Variants in PRELID2 observed in about 807,000 individuals in gnomAD.
The protein encoded by PRELID2 is PRELI domain containing 2, also known as PRELI domain-containing protein 2.
Under a neutral mutation model 28.4 loss-of-function variants are expected in PRELID2, and 25 were observed. That is an observed-to-expected ratio of 0.88 (90% CI 0.64 to 1.23). The LOEUF (loss-of-function observed/expected upper bound fraction) is 1.23, where lower values mean the gene tolerates loss of function less well. Ranked by LOEUF, PRELID2 falls within the 50% of genes most tolerant of loss-of-function variation. The pLI, the probability that PRELID2 is intolerant of heterozygous loss-of-function variation, is 0.00. For synonymous variants in PRELID2, 76 were observed against 71.6 expected (o/e 1.06, Z -0.31); for missense variants, 201 against 214.4 (o/e 0.94, Z 0.39).
chr5:145,275,238 A>G, the PRELID2 span, among the ~76,000 whole-genome samples: 2 of 152,274 alleles, frequency 1.3e-5, no homozygotes, highest in East Asian at 3.9e-4. Flanking sequence ...AAGGCACTGC[A>G]GATAAAGGAA....
chr5:145,731,798 ACTT>A (rs1756354668), intron 1 of PRELID2, among the ~76,000 whole-genome samples: 1 of 152,190 alleles, frequency 6.6e-6, no homozygotes, highest in Non-Finnish European at 1.5e-5. Context: ...AGAATAGAGG[ACTT>A]CATGTCCCTG....
intron 1 of PRELID2, among the ~76,000 whole-genome samples, chr5:145,587,820 T>C (rs1386754170): frequency 6.6e-6 from 1 of 152,190 alleles, no homozygotes; most frequent in East Asian, 1.9e-4. Context: ...ATGACTCAGC[T>C]ACTCCCAGGC....
chr5:145,356,014 AC>A, the PRELID2 span, among the ~76,000 whole-genome samples: 2 of 152,164 alleles, frequency 1.3e-5, no homozygotes, highest in South Asian at 4.1e-4. Context: ...GAATAAGAGT[AC>A]TACAGTTTTG....
At chr5:145,406,102 C>T in the PRELID2 span, among the ~76,000 whole-genome samples, 3 of 152,092 alleles carry the variant, frequency 2.0e-5, no homozygotes, top group South Asian at 6.2e-4. Flanking sequence ...TATGAGCAAT[C>T]TAACCCTATG....
At chr5:145,707,510 C>T (rs1479527538) in intron 1 of PRELID2, among the ~76,000 whole-genome samples, 2 of 152,066 alleles carry the variant, frequency 1.3e-5, no homozygotes, top group South Asian at 2.1e-4. Flanking sequence ...AAAAAATCTC[C>T]GCTAAGTTAG....
chr5:145,544,328 T>C (rs1202200369), intron 1 of PRELID2, among the ~76,000 whole-genome samples: 1 of 152,170 alleles, frequency 6.6e-6, no homozygotes, highest in African/African-American at 2.4e-5. Flanking sequence ...ACTAAACTTA[T>C]GCTTTAATTT....
chr5:145,431,006 G>GTT, the PRELID2 span, among the ~76,000 whole-genome samples: 2,266 of 55,424 alleles, frequency 0.041, 313 homozygotes, highest in African/African-American at 0.047. Context: ...CCTGGCAATG[G>GTT]TTTTTTTTTT....
the PRELID2 span, among the ~76,000 whole-genome samples, chr5:145,435,031 A>G: frequency 6.6e-6 from 1 of 152,190 alleles, no homozygotes; most frequent in Non-Finnish European, 1.5e-5. Flanking sequence ...TTTCAAAGTT[A>G]TTCTAATTAA....
At chr5:145,705,800 A>C (rs538210431) in intron 1 of PRELID2, among the ~76,000 whole-genome samples, 9 of 152,300 alleles carry the variant, frequency 5.9e-5, no homozygotes, top group Non-Finnish European at 1.0e-4. Flanking sequence ...ATGAACATTG[A>C]AATGTGAATT....
At chr5:145,404,238 T>C in the PRELID2 span, among the ~76,000 whole-genome samples, 1 of 152,226 alleles carries the variant, frequency 6.6e-6, no homozygotes, top group Non-Finnish European at 1.5e-5. Context: ...TTGGAAGCTT[T>C]AGCTTATGCA....
chr5:145,238,104 G>T, the PRELID2 span, among the ~76,000 whole-genome samples: 1 of 152,074 alleles, frequency 6.6e-6, no homozygotes, highest in Non-Finnish European at 1.5e-5. Context: ...GCCACCTAGA[G>T]TTCACTGTAA....
intron 1 of PRELID2, among the ~76,000 whole-genome samples, chr5:145,832,416 C>G (rs1755652862): frequency 6.6e-6 from 1 of 152,106 alleles, no homozygotes; most frequent in Non-Finnish European, 1.5e-5. Flanking sequence ...AACTCCTGAC[C>G]TCAAGTGATC....
chr5:145,781,245 G>T (rs894172641), intron 5 of PRELID2, among the ~76,000 whole-genome samples: 17 of 152,276 alleles, frequency 1.1e-4, no homozygotes, highest in African/African-American at 4.1e-4. Flanking sequence ...GACAGCTCAA[G>T]GAGCACTGAA....
At chr5:145,781,709 TAC>T (rs993015765) in intron 5 of PRELID2, among the ~76,000 whole-genome samples, 61 of 146,760 alleles carry the variant, frequency 4.2e-4, no homozygotes, top group East Asian at 2.2e-3. Context: ...TATATATATA[TAC>T]ACACACACTA....
the PRELID2 span, among the ~76,000 whole-genome samples, chr5:145,331,758 A>G: frequency 6.6e-6 from 1 of 152,224 alleles, no homozygotes; most frequent in East Asian, 1.9e-4. Context: ...TGGGGCATTT[A>G]GCCCATTTAC....
chr5:145,787,663 C>A (rs915568914), intron 5 of PRELID2, among the ~76,000 whole-genome samples: 1 of 151,978 alleles, frequency 6.6e-6, no homozygotes, highest in Non-Finnish European at 1.5e-5. Flanking sequence ...CCTCAGCCCC[C>A]GGAGCAGCTG....
chr5:145,302,330 G>T, the PRELID2 span, among the ~76,000 whole-genome samples: 2 of 151,862 alleles, frequency 1.3e-5, no homozygotes, highest in South Asian at 2.1e-4. Flanking sequence ...TAGAGAGGGG[G>T]TTTCTCCGTG....
chr5:145,563,529 T>G (rs987100296), intron 1 of PRELID2, among the ~76,000 whole-genome samples: 1 of 152,134 alleles, frequency 6.6e-6, no homozygotes, highest in Non-Finnish European at 1.5e-5. Flanking sequence ...GGAACTGAGG[T>G]CCAGAGAGGA....
chr5:145,576,892 G>T (rs571980328), intron 1 of PRELID2, among the ~76,000 whole-genome samples: 1 of 152,192 alleles, frequency 6.6e-6, no homozygotes, highest in South Asian at 2.1e-4. Flanking sequence ...ATTATGTATT[G>T]TAAAAGGGTA....
Sources: allele counts gnomAD v4.1 joint callset (sites outside exome capture counted in the v4.1 genomes callset), GRCh38; gene constraint gnomAD v4.1.1; transcripts MANE v1.5; gene names NCBI Gene and HGNC (gene_info 2026-07-23, HGNC 2026-07-21).